Variants in INSL6 observed in about 807,000 individuals in gnomAD.
INSL6 encodes the protein insulin-like peptide INSL6.
Under a neutral mutation model 9.4 loss-of-function variants are expected in INSL6, and 16 were observed. The ratio of observed to expected loss-of-function variants is 1.70; its 90% CI spans 1.15 to 2.59. The LOEUF is 2.59. INSL6 is among the 30% of genes most tolerant of loss of function. INSL6 has a pLI of 0.00. For synonymous variants in INSL6, 154 were observed against 96.9 expected, an observed-to-expected ratio of 1.59 and a Z score of -3.46; for missense variants, 391 against 257.3, an observed-to-expected ratio of 1.52 and a Z score of -3.56.
the INSL6 span, among the ~76,000 whole-genome samples, chr9:5,083,814 G>A: frequency 6.6e-6 from 1 of 152,052 alleles, no homozygotes; most frequent in East Asian, 1.9e-4. Context: ...GTGATATACT[G>A]CTTATAGAGA....
At chr9:5,009,775 A>AT in the INSL6 span, among the ~76,000 whole-genome samples, 254 of 146,262 alleles carry the variant, frequency 1.7e-3, no homozygotes, top group Middle Eastern at 3.5e-3. Context: ...TTCAGTTAAA[A>AT]TTTTTTTTTT....
chr9:5,077,181 T>C, the INSL6 span, among the ~76,000 whole-genome samples: 5 of 150,830 alleles, frequency 3.3e-5, no homozygotes, highest in Non-Finnish European at 7.4e-5. Context: ...TCAGTACTAA[T>C]ATATAAAGGT....
the INSL6 span, among the ~76,000 whole-genome samples, chr9:5,039,550 G>T: frequency 6.6e-6 from 1 of 152,040 alleles, no homozygotes. Context: ...AAGGATGATT[G>T]TGTATTCACA....
chr9:5,050,573 T>G, the INSL6 span: 1 of 1,129,222 alleles, frequency 8.9e-7, no homozygotes, highest in Non-Finnish European at 1.3e-6. Flanking sequence ...GCCTGGCCAA[T>G]TTGTATCTTG....
the INSL6 span, among the ~76,000 whole-genome samples, chr9:5,012,474 T>C: frequency 6.6e-6 from 1 of 152,186 alleles, no homozygotes; most frequent in African/African-American, 2.4e-5. Context: ...TTACTTAAAA[T>C]TGTTGTTATT....
intron 2 of INSL6, among the ~76,000 whole-genome samples, chr9:5,147,082 G>C (rs1035636597): frequency 3.3e-5 from 5 of 152,186 alleles, no homozygotes; most frequent in Admixed American, 6.5e-5. Context: ...TAGAGGGGTG[G>C]TCATCTCTGG....
At position 5,146,078 on chromosome 9, in the gene INSL6, G is replaced by T. The variant is rs188082961; in HGVS notation, c.377-12486C>A. 2.5e-4 allele frequency among the ~76,000 whole-genome samples: 38 copies of T among 152,094 alleles called. No individual in the cohort carries two copies. The East Asian group carries it at 7.0e-3, about 28-fold the overall frequency. ...TGCTGATTCTTTCTCATCTTTGTGG[G>T]CTTATCTACTTTCAATCTTTGAGGT... is the stretch of plus-strand genomic sequence containing the variant. On this transcript the variant is annotated intron_variant, in intron 2 of 3. Coordinates refer to the INSL6 transcript ENST00000649639.
At chr9:5,148,327 C>A (rs1411515757) in intron 2 of INSL6, among the ~76,000 whole-genome samples, 2 of 152,060 alleles carry the variant, frequency 1.3e-5, no homozygotes, top group Non-Finnish European at 2.9e-5. Context: ...CGGCTGTGAT[C>A]CAGGAGATGG....
the INSL6 span, among the ~76,000 whole-genome samples, chr9:5,076,830 T>G: frequency 6.6e-6 from 1 of 152,232 alleles, no homozygotes; most frequent in Non-Finnish European, 1.5e-5. Context: ...AGCAGTGGTT[T>G]GGAACCTGTT....
In INSL6 at chr9:5,185,628, G is replaced by A. The variant is rs971776128; in HGVS notation, c.-26C>T. 6.3e-7 allele frequency: 1 copy of A among 1,599,210 alleles called. No homozygotes were observed. The highest frequency in any genetic ancestry group is 8.5e-7 in the Non-Finnish European group (1 of 1,174,492). On this transcript the variant is annotated 5_prime_UTR_variant, in exon 1 of 2. Transcript: ENST00000381641. ...CCCTGTGACCCCAGGCTAGTCCTCC[G>A]CGTTGTGCAATGGCGGTCGGCCGGA...
chr9:5,163,939 A>T lies in INSL6; in HGVS notation c.616T>A (p.Ser206Thr). 1 of 1,604,812 alleles carries T rather than the reference A, an allele frequency of 6.2e-7. No homozygotes were observed. The highest frequency in any genetic ancestry group is 8.5e-7 in the Non-Finnish European group (1 of 1,177,118). ...TAGTATATCTTAGTTACAAGTGATG[A>T]TCTTTTTTCCTTTAGCCTTTTAAAA... ...IDFKRLKEKR[S>T]SLVTKIY The change falls in exon 2 of 2, where the codon TCA becomes ACA. Residue 206 changes from serine to threonine, a missense_variant. Coordinates refer to ENST00000381641, the MANE Select transcript of INSL6 (RefSeq NM_007179.3).
chr9:5,042,359 G>A, the INSL6 span, among the ~76,000 whole-genome samples: 1 of 150,590 alleles, frequency 6.6e-6, no homozygotes, highest in Admixed American at 6.6e-5. Flanking sequence ...GGATGGTCTC[G>A]ATCTCCTGAC....
At chr9:5,085,421 TG>T in the INSL6 span, 1 of 752,706 alleles carries the variant, frequency 1.3e-6, no homozygotes, top group Non-Finnish European at 2.5e-6. Flanking sequence ...TTACAACTGT[TG>T]GCTATCAGGC....
downstream of INSL6, among the ~76,000 whole-genome samples, chr9:5,159,503 C>G (rs956896336): frequency 6.6e-6 from 1 of 151,826 alleles, no homozygotes; most frequent in Non-Finnish European, 1.5e-5. Flanking sequence ...AGGAGTGACT[C>G]TACTTATATT....
chr9:5,096,190 A>G, the INSL6 span, among the ~76,000 whole-genome samples: 113 of 152,216 alleles, frequency 7.4e-4, no homozygotes, highest in African/African-American at 2.1e-3. Context: ...CACAAAACCC[A>G]TATTACTCCT....
At chr9:5,083,146 A>C in the INSL6 span, among the ~76,000 whole-genome samples, 2 of 152,206 alleles carry the variant, frequency 1.3e-5, no homozygotes, top group Non-Finnish European at 2.9e-5. Context: ...TCAGTGAAAT[A>C]CAGAAAGGAA....
the INSL6 span, among the ~76,000 whole-genome samples, chr9:5,039,177 A>C: frequency 1.3e-5 from 2 of 152,128 alleles, no homozygotes; most frequent in Non-Finnish European, 1.5e-5. Context: ...CAAGAAAAAG[A>C]AATAAAAGGC....
intron 2 of INSL6, among the ~76,000 whole-genome samples, chr9:5,151,190 A>G (rs995704649): frequency 6.6e-6 from 1 of 150,462 alleles, no homozygotes; most frequent in African/African-American, 2.5e-5. Flanking sequence ...ACTATGCAAT[A>G]TATCCATGTA....
intron 1 of INSL6, among the ~76,000 whole-genome samples, chr9:5,184,412 A>C (rs539951580): frequency 6.6e-6 from 1 of 152,364 alleles, no homozygotes; most frequent in Non-Finnish European, 1.5e-5. Flanking sequence ...CTTAGTCACA[A>C]AATGTAAAAA....
Sources: allele counts gnomAD v4.1 joint callset (sites outside exome capture counted in the v4.1 genomes callset), GRCh38; gene constraint gnomAD v4.1.1; transcripts MANE v1.5; gene names NCBI Gene and HGNC (gene_info 2026-07-23, HGNC 2026-07-21).